The following AMOT variants were observed in gnomAD, a reference collection of about 807,000 sequenced individuals.
AMOT encodes angiomotin.
Under a neutral mutation model 67.0 loss-of-function variants are expected in AMOT, and 11 were observed. The observed-to-expected ratio is 0.16, with a 90% CI of 0.10 to 0.27. AMOT has a LOEUF of 0.27. Ranked by LOEUF, AMOT falls within the 10% of genes least tolerant of loss-of-function variation. The pLI, the probability that AMOT is intolerant of heterozygous loss-of-function variation, is 1.00. For synonymous variants in AMOT, 326 were observed against 321.4 expected (o/e 1.01, Z -0.15); for missense variants, 753 against 852.0 (o/e 0.88, Z 1.45).
intron 3 of AMOT, among the ~76,000 whole-genome samples, chrX:112,824,360 A>T (rs574829970): frequency 9.0e-6 from 1 of 111,712 alleles, no homozygotes; most frequent in East Asian, 2.8e-4. Flanking sequence ...TGTCACACGA[A>T]AAGTCACAAT....
chrX:112,779,993 G>A (rs1392418383), intron 12 of AMOT, among the ~76,000 whole-genome samples: 2 of 110,862 alleles, frequency 1.8e-5, no homozygotes, highest in African/African-American at 6.6e-5. Flanking sequence ...TATTAAGCCT[G>A]TAAGTGACCT....
chrX:112,796,765 AT>A (rs980466481), intron 8 of AMOT, among the ~76,000 whole-genome samples: 4 of 111,470 alleles, frequency 3.6e-5, no homozygotes, highest in African/African-American at 1.3e-4. Flanking sequence ...ACTGGGGGCA[AT>A]CCCCCCACCC....
At chrX:112,811,839 T>C (rs1338864627) in intron 5 of AMOT, among the ~76,000 whole-genome samples, 1 of 111,529 alleles carries the variant, frequency 9.0e-6, no homozygotes, top group Non-Finnish European at 1.9e-5. Context: ...CTCATTTTAG[T>C]AGAGAGAAAA....
At chrX:112,833,598 T>C (rs971059029) in intron 1 of AMOT, among the ~76,000 whole-genome samples, 2 of 111,171 alleles carry the variant, frequency 1.8e-5, no homozygotes, top group African/African-American at 3.3e-5. Context: ...GAGAAACTAA[T>C]TGTAGAAGAA....
chrX:112,780,749 G>GA (rs749094348), intron 12 of AMOT, 137 bp downstream of exon 12: 770 of 596,216 alleles, frequency 1.3e-3, no homozygotes, highest in Non-Finnish European at 1.7e-3. Context: ...GTCTCAGGAG[G>GA]AAAAAAAAAC....
chrX:112,809,861 G>A (rs1163785676), intron 7 of AMOT, 33 bp downstream of exon 7: 16 of 1,163,267 alleles, frequency 1.4e-5, no homozygotes, highest in East Asian at 3.0e-5. Context: ...CCATCCACAC[G>A]TTAATACCTG....
chrX:112,790,607 G>A lies in AMOT; in HGVS notation c.2102C>T (p.Thr701Ile). ...ACCTACTTACCTCTGAGCAGCCACA[G>A]TTGCAGCAGCATCCAGAGCAAAATG... is the stretch of plus-strand genomic sequence containing the variant. ...MRHFALDAAA[T>I]VAAQRDTTVI... Residue 701 changes from threonine to isoleucine, a missense_variant, in exon 10 of 14, where the codon ACT becomes ATT. Physicochemically the swap from Thr to Ile is moderately conservative, Grantham distance 89 (BLOSUM62 -1). Transcript: ENST00000371959. The A allele has an allele frequency of 8.3e-7, 1 of 1,205,825 alleles. No homozygotes were observed. Among genetic ancestry groups the A allele is most frequent in the Non-Finnish European group, 1.1e-6 (1 of 892,536 alleles).
intron 8 of AMOT, among the ~76,000 whole-genome samples, chrX:112,794,227 T>A (rs1933716724): frequency 9.0e-6 from 1 of 111,244 alleles, no homozygotes; most frequent in Admixed American, 9.6e-5. Flanking sequence ...AACCTAAATA[T>A]CCTAGCAAAA....
chrX:112,780,789 G>A, intron 12 of AMOT, 97 bp downstream of exon 12: 1 of 937,387 alleles, frequency 1.1e-6, no homozygotes, highest in South Asian at 2.3e-5. Flanking sequence ...TTCCTCTCTA[G>A]AACCTGGACC....
rs1407968 is a variant in AMOT at position 112,833,394 on chromosome X, A to C, written c.-288-1024T>G. On this transcript the variant is annotated intron_variant, in intron 1 of 13. Transcript: ENST00000371959. ...ACCACTTAGCCTGGTCACAGAAAGC[A>C]CCAGGTCAGAAAATTCATCATGTTC... Among the ~76,000 whole-genome samples the C allele has an allele frequency of 3.4e-3, 353 of 103,073 alleles. 6 individuals are homozygous for C. The highest frequency in any genetic ancestry group is 0.011 in the African/African-American group (315 of 28,593). The allele number at this position is 103,073 out of a possible 115,157, so 89.5% of individuals were successfully genotyped here. A position where few individuals can be genotyped will look rare whatever the true frequency, so the allele number is the denominator to read the frequency against.
intron 4 of AMOT, among the ~76,000 whole-genome samples, chrX:112,816,151 T>C (rs1050753170): frequency 3.6e-5 from 4 of 112,020 alleles, no homozygotes; most frequent in African/African-American, 1.3e-4. Flanking sequence ...ATGGTCACTT[T>C]GTGAAAATCG....
At chrX:112,801,621 A>T (rs1602782097) in intron 8 of AMOT, among the ~76,000 whole-genome samples, 1 of 112,237 alleles carries the variant, frequency 8.9e-6, no homozygotes, top group African/African-American at 3.2e-5. Flanking sequence ...TTCTATGTAG[A>T]GTTTAGAGCA....
At chrX:112,803,255 C>A (rs181339621) in intron 8 of AMOT, among the ~76,000 whole-genome samples, 1 of 111,791 alleles carries the variant, frequency 8.9e-6, no homozygotes, top group East Asian at 2.8e-4. Flanking sequence ...TCATGAGATA[C>A]CAGTTTTATT....
chrX:112,779,280 G>A lies in AMOT; in HGVS notation c.2874C>T (p.Ala958=). 1.5e-6 allele frequency: 1 copy of A among 647,701 alleles called. No individual in the cohort carries two copies. Among genetic ancestry groups the A allele is most frequent in the South Asian group, 2.3e-5 (1 of 43,666 alleles). 53.4% of individuals were successfully genotyped at this position (647,701 alleles called of 1,213,427 possible). Residue 958 remains alanine, a synonymous_variant, in exon 13 of 14, where the codon GCC becomes GCT. Coordinates refer to ENST00000371959, the MANE Select transcript of AMOT (RefSeq NM_001113490.2). ...CAGCAGCAGCAGCAGAAGGAGCAAC[G>A]GCAGCAGCTGAGGCAACAGAGGCAG... ...PAAASVASAA[A]VAPSAAAAAA...
At chrX:112,781,328 T>C (rs1933160138) in intron 11 of AMOT, among the ~76,000 whole-genome samples, 1 of 108,249 alleles carries the variant, frequency 9.2e-6, no homozygotes, top group Admixed American at 1.0e-4. Flanking sequence ...TAGTCCCAGC[T>C]ACTCGGGAGG....
intron 1 of AMOT, among the ~76,000 whole-genome samples, chrX:112,839,703 T>G (rs1463010865): frequency 9.0e-6 from 1 of 111,394 alleles, no homozygotes; most frequent in Non-Finnish European, 1.9e-5. Context: ...TCACAGTCTA[T>G]TAAAGACTGT....
chrX:112,831,350 T>C (rs1223139223), intron 2 of AMOT, among the ~76,000 whole-genome samples: 1 of 110,148 alleles, frequency 9.1e-6, no homozygotes, highest in Non-Finnish European at 1.9e-5. Flanking sequence ...GGAAAATGAA[T>C]TCTCTATGAT....
chrX:112,809,843 C>A, intron 7 of AMOT, 51 bp downstream of exon 7: 1 of 1,070,493 alleles, frequency 9.3e-7, no homozygotes, highest in Non-Finnish European at 1.3e-6. Context: ...TTTTCACGCA[C>A]CTTGCTCCCA....
intron 5 of AMOT, among the ~76,000 whole-genome samples, chrX:112,814,572 C>T (rs1310396167): frequency 8.9e-6 from 1 of 111,741 alleles, no homozygotes; most frequent in Non-Finnish European, 1.9e-5. Flanking sequence ...ACCCTATTCA[C>T]CAGCAGCCCC....
Sources: allele counts gnomAD v4.1 joint callset (sites outside exome capture counted in the v4.1 genomes callset), GRCh38; gene constraint gnomAD v4.1.1; transcripts MANE v1.5; gene names NCBI Gene and HGNC (gene_info 2026-07-23, HGNC 2026-07-21).